Variants in RARB observed in about 807,000 individuals in gnomAD.
RARB encodes the protein HBV-activated protein.
Under a neutral mutation model 51.9 loss-of-function variants are expected in RARB, and 17 were observed. The observed-to-expected ratio is 0.33, with a 90% CI of 0.22 to 0.49. The LOEUF is 0.49. Among genes scored for constraint, RARB ranks in the 20% least tolerant of loss-of-function variants. RARB has a pLI of 0.99. For missense variants in RARB, 369 were observed against 550.8 expected (o/e 0.67, Z 3.30); for synonymous variants, 215 against 195.4 (o/e 1.10, Z -0.84).
intron 2 of RARB, among the ~76,000 whole-genome samples, chr3:24,991,002 T>G (rs1389692032): frequency 6.6e-6 from 1 of 152,252 alleles, no homozygotes; most frequent in Non-Finnish European, 1.5e-5. Context: ...TTTTAAAAAT[T>G]ACATTTTCTA....
At chr3:25,149,927 C>T (rs1700255528) in intron 4 of RARB, among the ~76,000 whole-genome samples, 1 of 152,034 alleles carries the variant, frequency 6.6e-6, no homozygotes, top group Non-Finnish European at 1.5e-5. Context: ...TCTGGTCAGG[C>T]ACAGTGGCTC....
At chr3:25,327,104 A>G (rs966019949) in intron 5 of RARB, among the ~76,000 whole-genome samples, 5 of 152,100 alleles carry the variant, frequency 3.3e-5, no homozygotes, top group African/African-American at 1.2e-4. Flanking sequence ...GTTTTTAGAC[A>G]CAGGGATTAT....
At chr3:25,194,606 G>A (rs540667122) in intron 5 of RARB, among the ~76,000 whole-genome samples, 18 of 150,592 alleles carry the variant, frequency 1.2e-4, no homozygotes, top group South Asian at 8.4e-4. Context: ...GTAAAAGGCT[G>A]TCATAGGAGC....
At chr3:24,918,721 T>A (rs560415311) in intron 2 of RARB, among the ~76,000 whole-genome samples, 9 of 152,154 alleles carry the variant, frequency 5.9e-5, no homozygotes, top group African/African-American at 2.2e-4. Context: ...TGAAACCCTG[T>A]CTCTACTAAA....
chr3:24,940,604 G>T (rs751352613), intron 2 of RARB, among the ~76,000 whole-genome samples: 3 of 152,056 alleles, frequency 2.0e-5, no homozygotes, highest in African/African-American at 4.8e-5. Flanking sequence ...GTACTCCCCA[G>T]GGTACCCTCC....
At chr3:25,068,175 A>C (rs1385203787) in intron 3 of RARB, among the ~76,000 whole-genome samples, 4 of 126,808 alleles carry the variant, frequency 3.2e-5, no homozygotes, top group Admixed American at 1.7e-4. Context: ...AAAAAAAAAA[A>C]ATCTTAAGGA....
chr3:25,506,606 A>T (rs887023477), intron 3 of RARB, among the ~76,000 whole-genome samples: 2 of 152,234 alleles, frequency 1.3e-5, no homozygotes, highest in Non-Finnish European at 2.9e-5. Context: ...ACAGAGCAAG[A>T]CCCTGTCTCA....
chr3:25,453,852 C>T (rs1176819013), intron 1 of RARB, among the ~76,000 whole-genome samples: 2 of 152,152 alleles, frequency 1.3e-5, no homozygotes, highest in Non-Finnish European at 1.5e-5. Context: ...CACTCCCCAT[C>T]GTCCTCCCTC....
chr3:24,876,507 T>C (rs967073369), intron 2 of RARB, among the ~76,000 whole-genome samples: 5 of 152,162 alleles, frequency 3.3e-5, no homozygotes, highest in Non-Finnish European at 7.4e-5. Context: ...CTATGAAGCA[T>C]AAACAACTTT....
chr3:25,252,314 T>C lies in RARB; in HGVS notation c.178+77739T>C, dbSNP rs927220965. ...CCAGCTATGTTCTTCTTTTTGAAGA[T>C]TGTTTTGGCTATTTGGGGACCTTTG... On this transcript the variant is annotated intron_variant, in intron 5 of 11. Transcript: ENST00000383772. Among the ~76,000 whole-genome samples the C allele has an allele frequency of 2.6e-5, 4 of 152,162 alleles. No individual in the cohort carries two copies. The South Asian group carries it at 6.2e-4, about 24-fold the overall frequency.
At chr3:25,508,978 A>G (rs767820870) in intron 3 of RARB, among the ~76,000 whole-genome samples, 3 of 152,046 alleles carry the variant, frequency 2.0e-5, no homozygotes, top group Non-Finnish European at 4.4e-5. Context: ...TAACACTCAG[A>G]CTGAAAAGGA....
At chr3:25,096,377 G>T (rs924856178) in intron 3 of RARB, among the ~76,000 whole-genome samples, 4 of 152,126 alleles carry the variant, frequency 2.6e-5, no homozygotes, top group Non-Finnish European at 5.9e-5. Context: ...AGATACCATT[G>T]GAGAAATTGT....
chr3:25,559,538 G>T (rs1357867948), intron 3 of RARB, among the ~76,000 whole-genome samples: 1 of 152,194 alleles, frequency 6.6e-6, no homozygotes, highest in African/African-American at 2.4e-5. Flanking sequence ...ACTAGAATGT[G>T]AATCTCTTGA....
intron 5 of RARB, among the ~76,000 whole-genome samples, chr3:25,280,852 TG>T (rs1361689028): frequency 6.6e-6 from 1 of 152,100 alleles, no homozygotes; most frequent in Non-Finnish European, 1.5e-5. Context: ...TCCAGTAGCA[TG>T]GGGTCTTTTT....
intron 2 of RARB, among the ~76,000 whole-genome samples, chr3:24,879,751 G>A (rs888841600): frequency 1.3e-5 from 2 of 152,130 alleles, no homozygotes. Flanking sequence ...ACCTGTGTGA[G>A]GTCCTGCTAG....
chr3:25,348,460 A>G (rs1030610257), intron 5 of RARB, among the ~76,000 whole-genome samples: 1 of 139,234 alleles, frequency 7.2e-6, no homozygotes, highest in African/African-American at 2.7e-5. Context: ...GCTTCTTTGC[A>G]GGAATCAAGC....
chr3:25,169,294 T>C (rs1700605878), intron 4 of RARB, among the ~76,000 whole-genome samples: 1 of 152,196 alleles, frequency 6.6e-6, no homozygotes, highest in Admixed American at 6.5e-5. Flanking sequence ...TAGAAAGTCC[T>C]AGTCTGACAT....
chr3:24,882,963 T>C (rs1243167048), intron 2 of RARB, among the ~76,000 whole-genome samples: 1 of 152,164 alleles, frequency 6.6e-6, no homozygotes, highest in Non-Finnish European at 1.5e-5. Flanking sequence ...TATTCTCTTC[T>C]GATGGGTGGT....
intron 5 of RARB, among the ~76,000 whole-genome samples, chr3:25,302,103 C>T (rs1349502397): frequency 6.6e-6 from 1 of 152,146 alleles, no homozygotes; most frequent in Non-Finnish European, 1.5e-5. Flanking sequence ...ACTACCATGA[C>T]TAAAACCAAA....
Sources: gnomAD v4.1 joint callset for allele counts (sites outside exome capture counted in the v4.1 genomes callset) on GRCh38, gnomAD v4.1.1 for gene constraint, MANE v1.5 for transcripts, NCBI Gene and HGNC (gene_info 2026-07-23, HGNC 2026-07-21) for gene names.